Variants in VPS13D observed in about 807,000 individuals in gnomAD.
VPS13D encodes intermembrane lipid transfer protein VPS13D.
A neutral mutation model predicts 461.9 loss-of-function variants in VPS13D; 187 were observed. The ratio of observed to expected loss-of-function variants is 0.40; its 90% confidence interval spans 0.36 to 0.46. VPS13D has a LOEUF of 0.46. Ranked by LOEUF, VPS13D falls within the 20% of genes least tolerant of loss-of-function variation. The pLI is 0.60. For missense variants in VPS13D, 4,711 were observed against 5,364.9 expected, an observed-to-expected ratio of 0.88 and a Z score of 3.81; for synonymous variants, 1,951 against 1,986.3, an observed-to-expected ratio of 0.98 and a Z score of 0.47.
At chr1:12,388,799 A>G (rs1387867757) in intron 60 of VPS13D, among the ~76,000 whole-genome samples, 2 of 152,236 alleles carry the variant, frequency 1.3e-5, no homozygotes, top group South Asian at 2.1e-4. Flanking sequence ...TATGTTGCCT[A>G]CAAGAAACAC....
At chr1:12,437,505 ATTTTCTT>A (rs1164466763) in intron 65 of VPS13D, among the ~76,000 whole-genome samples, 1 of 152,078 alleles carries the variant, frequency 6.6e-6, no homozygotes, top group East Asian at 1.9e-4. Context: ...CTGTTCCACC[ATTTTCTT>A]TACACAAAGC....
intron 67 of VPS13D, among the ~76,000 whole-genome samples, chr1:12,477,173 G>A (rs775492663): frequency 1.3e-5 from 2 of 152,194 alleles, no homozygotes; most frequent in Non-Finnish European, 1.5e-5. Context: ...AGAAAAACAC[G>A]TATCAAGTCA....
In VPS13D at chr1:12,505,138, G is replaced by A. The variant is rs1343967158; in HGVS notation, c.12795-1715G>A. ...TGCACCAGGCCCACCGATGCTCAGG[G>A]GTGTAGGCTGCTTCCGGGTCTCATC... On this transcript the variant is annotated intron_variant, in intron 68 of 69. Coordinates refer to ENST00000620676, the MANE Select transcript of VPS13D (RefSeq NM_015378.4). The surrounding 1 kb of genome is among the most constrained non-coding windows in gnomAD (Gnocchi z 4.2). Among the ~76,000 whole-genome samples, 1 of 152,182 alleles carries A rather than the reference G, an allele frequency of 6.6e-6. No individual in the cohort carries two copies. Among genetic ancestry groups the A allele is most frequent in the African/African-American group, 2.4e-5 (1 of 41,438 alleles).
intron 63 of VPS13D, among the ~76,000 whole-genome samples, chr1:12,414,514 C>T (rs1046402599): frequency 1.3e-5 from 2 of 152,130 alleles, no homozygotes; most frequent in South Asian, 2.1e-4. Flanking sequence ...CCACCTACAA[C>T]GAAGTGCATA....
chr1:12,488,780 A>G (rs1361959000), intron 67 of VPS13D, among the ~76,000 whole-genome samples: 3 of 151,922 alleles, frequency 2.0e-5, no homozygotes, highest in Non-Finnish European at 4.4e-5. Flanking sequence ...CTTACCAGAG[A>G]TGGTGTATTT....
intron 16 of VPS13D, among the ~76,000 whole-genome samples, chr1:12,270,711 T>C (rs1469934866): frequency 1.3e-5 from 2 of 152,046 alleles, no homozygotes; most frequent in African/African-American, 2.4e-5. Context: ...GAAACTGTTG[T>C]TACTGATTTG....
chr1:12,470,913 T>C (rs1473567530), intron 67 of VPS13D, among the ~76,000 whole-genome samples: 3 of 152,252 alleles, frequency 2.0e-5, no homozygotes, highest in Non-Finnish European at 4.4e-5. Flanking sequence ...GTTTTACTAA[T>C]TGTTTATAAA....
chr1:12,312,824 A>G (rs1472102740), intron 29 of VPS13D, among the ~76,000 whole-genome samples: 4 of 152,092 alleles, frequency 2.6e-5, no homozygotes, highest in African/African-American at 7.2e-5. Context: ...GAAAAACTGG[A>G]AGCTTTGGCA....
intron 65 of VPS13D, among the ~76,000 whole-genome samples, chr1:12,424,604 G>T (rs1255251034): frequency 6.6e-6 from 1 of 152,178 alleles, no homozygotes; most frequent in Non-Finnish European, 1.5e-5. Flanking sequence ...AGCCAGGTGA[G>T]CAGGGTTTAG....
intron 20 of VPS13D, among the ~76,000 whole-genome samples, chr1:12,281,123 C>T (rs1410819079): frequency 6.6e-6 from 1 of 151,426 alleles, no homozygotes; most frequent in East Asian, 1.9e-4. Flanking sequence ...CCATTATCAC[C>T]CCTATGTATT....
chr1:12,440,106 A>G (rs766342625), intron 65 of VPS13D, among the ~76,000 whole-genome samples: 3 of 152,218 alleles, frequency 2.0e-5, no homozygotes, highest in Admixed American at 6.5e-5. Flanking sequence ...AGCTTTCTAC[A>G]TTGCCGCCCA....
At chr1:12,267,572 A>G (rs1244994784) in intron 14 of VPS13D, among the ~76,000 whole-genome samples, 1 of 152,186 alleles carries the variant, frequency 6.6e-6, no homozygotes, top group African/African-American at 2.4e-5. Flanking sequence ...AAGTTTGAAA[A>G]GTTAGACATG....
chr1:12,348,411 G>A (rs534642241), intron 44 of VPS13D, among the ~76,000 whole-genome samples: 2 of 152,196 alleles, frequency 1.3e-5, no homozygotes, highest in African/African-American at 2.4e-5. Flanking sequence ...TTTCAGTTTC[G>A]TTGTAAGGAA....
intron 58 of VPS13D, among the ~76,000 whole-genome samples, chr1:12,384,744 C>G (rs887810002): frequency 6.6e-6 from 1 of 152,064 alleles, no homozygotes; most frequent in African/African-American, 2.4e-5. Flanking sequence ...CTCAGCCTCC[C>G]GAATAGCTGG....
At chr1:12,245,941 C>G (rs1640537786) in intron 5 of VPS13D, among the ~76,000 whole-genome samples, 1 of 152,126 alleles carries the variant, frequency 6.6e-6, no homozygotes, top group Admixed American at 6.5e-5. Context: ...CACTTTATTC[C>G]TTTTTATGAC....
At chr1:12,340,607 C>T (rs964745717) in intron 40 of VPS13D, among the ~76,000 whole-genome samples, 1 of 152,206 alleles carries the variant, frequency 6.6e-6, no homozygotes, top group Non-Finnish European at 1.5e-5. Flanking sequence ...CAGAAGATGT[C>T]CTGTAGGATG....
Position 12,244,630 on chromosome 1 carries a change from G to T in VPS13D, c.447+13G>T. 6.2e-7 allele frequency: 1 copy of T among 1,610,870 alleles called. No homozygotes were observed. Among genetic ancestry groups the T allele is most frequent in the South Asian group, 1.1e-5 (1 of 90,930 alleles). ...GGAGAATATTGAAGTAAGTCCTGCT[G>T]ACTTTTATAAAAGTATCAACGTGAA... On this transcript the variant is annotated intron_variant, in intron 5 of 69. Coordinates refer to ENST00000620676, the MANE Select transcript of VPS13D (RefSeq NM_015378.4).
Position 12,401,711 on chromosome 1 carries a change from T to C in VPS13D, c.11881+7T>C, listed in dbSNP as rs1393218471. On this transcript the variant is annotated splice_region_variant and intron_variant, in intron 62 of 69. Coordinates refer to ENST00000620676, the MANE Select transcript of VPS13D (RefSeq NM_015378.4). ...TACGATCAAGCAGAATCAGGTAATG[T>C]TGAATGTTCTATGTCTGTGTTTGGG... 1.1e-5 allele frequency: 17 copies of C among 1,609,984 alleles called. No individual in the cohort carries two copies. Among genetic ancestry groups the C allele is most frequent in the Non-Finnish European group, 1.4e-5 (17 of 1,176,566 alleles).
At chr1:12,324,829 T>A (rs190708971) in intron 35 of VPS13D, among the ~76,000 whole-genome samples, 4 of 152,344 alleles carry the variant, frequency 2.6e-5, no homozygotes, top group Non-Finnish European at 5.9e-5. Context: ...TTTTGCATCC[T>A]CTTCACAGCC....
Sources: allele counts gnomAD v4.1 joint callset (sites outside exome capture counted in the v4.1 genomes callset), GRCh38; gene constraint gnomAD v4.1.1; non-coding constraint Gnocchi (gnomAD v3.1); transcripts MANE v1.5; gene names NCBI Gene and HGNC (gene_info 2026-07-23, HGNC 2026-07-21).